Variants in TNFAIP8L3 observed in about 807,000 individuals in gnomAD.
TNFAIP8L3 encodes TNF alpha induced protein 8 like 3.
Under a neutral mutation model 11.8 loss-of-function variants are expected in TNFAIP8L3, and 7 were observed. The observed-to-expected ratio is 0.59, with a 90% CI of 0.34 to 1.11. The LOEUF is 1.11. Among genes scored for constraint, TNFAIP8L3 ranks in the 50% most tolerant of loss-of-function variants. The pLI is 0.03. For synonymous variants in TNFAIP8L3, 98 were observed against 103.8 expected (o/e 0.94, Z 0.34); for missense variants, 219 against 258.6 (o/e 0.85, Z 1.05).
intron 1 of TNFAIP8L3, among the ~76,000 whole-genome samples, chr15:51,090,248 GT>G (rs1340850056): frequency 9.2e-5 from 14 of 152,100 alleles, no homozygotes; most frequent in African/African-American, 3.4e-4. Context: ...TGTACAATCT[GT>G]CACCAACTTC....
At position 51,094,124 on chromosome 15, in the gene TNFAIP8L3, C is replaced by CCT. The variant is rs1399092203; in HGVS notation, c.52+419_52+420insAG. ...CTTTTCTGTTCAGAGCCCCCAGTCA[C>CCT]GTTCTTGGACCCAGTCACCTGCGCC... On this transcript the variant is annotated intron_variant, in intron 1 of 1. Transcript: ENST00000637513. This position sits in a 1 kb window ranked among gnomAD's most constrained non-coding sequence, Gnocchi z 4.4. Among the ~76,000 whole-genome samples the CCT allele has an allele frequency of 6.6e-6, 1 of 152,218 alleles. No individual in the cohort carries two copies. The highest frequency in any genetic ancestry group is 1.5e-5 in the Non-Finnish European group (1 of 68,030).
At chr15:51,074,612 G>A (rs1231361921) in intron 1 of TNFAIP8L3, among the ~76,000 whole-genome samples, 2 of 152,178 alleles carry the variant, frequency 1.3e-5, no homozygotes, top group East Asian at 3.9e-4. Flanking sequence ...CCAATTCAAA[G>A]CCAAAAGGAG....
upstream of TNFAIP8L3, among the ~76,000 whole-genome samples, chr15:51,099,219 T>C (rs2065533383): frequency 6.6e-6 from 1 of 152,220 alleles, no homozygotes; most frequent in Admixed American, 6.5e-5. Context: ...CAAAGTTTCC[T>C]TCCACACTTT....
rs545226408 is a variant in TNFAIP8L3 at position 51,103,066 on chromosome 15, A to G, written c.172+1939T>C. 2.7e-3 allele frequency among the ~76,000 whole-genome samples: 405 copies of G among 151,998 alleles called. 2 individuals carry two copies. The highest frequency in any genetic ancestry group is 9.4e-3 in the African/African-American group (391 of 41,422). On this transcript the variant is annotated intron_variant, in intron 1 of 2. Coordinates refer to the TNFAIP8L3 transcript ENST00000327536. ...CCTTTTCTTCTTTTCTGGGTCTTCA[A>G]ACTTTCCATTCCTCTCTTCTATCTA...
intron 1 of TNFAIP8L3, among the ~76,000 whole-genome samples, chr15:51,070,596 T>C (rs915757488): frequency 7.2e-5 from 11 of 152,162 alleles, no homozygotes; most frequent in African/African-American, 2.7e-4. Flanking sequence ...CAGAGCTGGA[T>C]TGGGCAGACT....
chr15:51,100,612 G>A (rs2065543931), intron 1 of TNFAIP8L3, among the ~76,000 whole-genome samples: 1 of 152,174 alleles, frequency 6.6e-6, no homozygotes, highest in Admixed American at 6.5e-5. Flanking sequence ...CTGTATTGGA[G>A]CTAGTCTTAC....
intron 1 of TNFAIP8L3, among the ~76,000 whole-genome samples, chr15:51,062,265 C>T (rs2065246384): frequency 6.7e-6 from 1 of 149,978 alleles, no homozygotes; most frequent in African/African-American, 2.5e-5. Context: ...CAGAGTGAGA[C>T]TCTGTCTCAA....
At chr15:51,103,747 G>A (rs756797609) in intron 1 of TNFAIP8L3, among the ~76,000 whole-genome samples, 2 of 152,096 alleles carry the variant, frequency 1.3e-5, no homozygotes, top group African/African-American at 2.4e-5. Context: ...CATAGTTGTC[G>A]AAAACCCAGG....
Position 51,079,876 on chromosome 15 carries a change from AAAAG to A in TNFAIP8L3, c.52+14664_52+14667del, listed in dbSNP as rs1403549354. On this transcript the variant is annotated intron_variant, in intron 1 of 1. Coordinates refer to ENST00000637513, the MANE Select transcript of TNFAIP8L3 (RefSeq NM_001311175.2). ...GTCTCAAAAAAAAAAAAAAAAAAAA[AAAAG>A]AAAGAAAGAAAAAAAAGAAAAGTCA... Among the ~76,000 whole-genome samples, 518 of 150,206 alleles carry A rather than the reference AAAAG, an allele frequency of 3.4e-3. 4 individuals are homozygous for A. The highest frequency in any genetic ancestry group is 0.012 in the African/African-American group (481 of 40,420).
At chr15:51,082,947 T>C (rs2065402919) in intron 1 of TNFAIP8L3, among the ~76,000 whole-genome samples, 1 of 152,192 alleles carries the variant, frequency 6.6e-6, no homozygotes, top group South Asian at 2.1e-4. Flanking sequence ...GGATAAATCA[T>C]TTTTCATAAT....
chr15:51,082,994 T>C (rs950461635), intron 1 of TNFAIP8L3, among the ~76,000 whole-genome samples: 2 of 152,216 alleles, frequency 1.3e-5, no homozygotes, highest in Non-Finnish European at 2.9e-5. Context: ...GACAAAATCC[T>C]GGCTGATGGG....
chr15:51,073,344 A>T (rs2065325861), intron 1 of TNFAIP8L3, among the ~76,000 whole-genome samples: 1 of 152,128 alleles, frequency 6.6e-6, no homozygotes, highest in African/African-American at 2.4e-5. Context: ...TTAACATGAC[A>T]TGTCTCTCCA....
intron 1 of TNFAIP8L3, among the ~76,000 whole-genome samples, chr15:51,080,105 T>G (rs1223519461): frequency 6.6e-6 from 1 of 152,208 alleles, no homozygotes; most frequent in East Asian, 1.9e-4. Context: ...AAACTTAGCT[T>G]TCTTTCCCAT....
At chr15:51,067,820 C>T (rs541803821) in intron 1 of TNFAIP8L3, among the ~76,000 whole-genome samples, 2 of 152,260 alleles carry the variant, frequency 1.3e-5, no homozygotes, top group East Asian at 1.9e-4. Flanking sequence ...GAAGATGAGC[C>T]GCTAATCATA....
chr15:51,087,134 C>T (rs1198525978), intron 1 of TNFAIP8L3, among the ~76,000 whole-genome samples: 1 of 152,250 alleles, frequency 6.6e-6, no homozygotes, highest in Non-Finnish European at 1.5e-5. Context: ...TCCCAAAGTG[C>T]TGGGATTACA....
chr15:51,093,767 G>A (rs2065489533), intron 1 of TNFAIP8L3, among the ~76,000 whole-genome samples: 2 of 152,268 alleles, frequency 1.3e-5, no homozygotes, highest in South Asian at 4.1e-4. Context: ...GAGACCGGCG[G>A]CAAGTCGACC....
At chr15:51,097,235 A>G (rs12916313), upstream of TNFAIP8L3, among the ~76,000 whole-genome samples, 1 of 152,226 alleles carries the variant, frequency 6.6e-6, no homozygotes, top group South Asian at 2.1e-4. Context: ...GAGACAGACC[A>G]CAGAGACATG....
At chr15:51,098,523 A>G (rs1349011280), upstream of TNFAIP8L3, among the ~76,000 whole-genome samples, 1 of 152,178 alleles carries the variant, frequency 6.6e-6, no homozygotes, top group East Asian at 2.0e-4. Flanking sequence ...CTTGATATCC[A>G]TCTAACAGAA....
upstream of TNFAIP8L3, among the ~76,000 whole-genome samples, chr15:51,094,969 G>A (rs2053071993): frequency 1.3e-5 from 2 of 151,918 alleles, no homozygotes; most frequent in Admixed American, 1.3e-4. This position sits in a 1 kb window ranked among gnomAD's most constrained non-coding sequence, Gnocchi z 4.4. Context: ...CCCTACCCGC[G>A]CCCTGCGTCG....
Sources: allele counts gnomAD v4.1 joint callset (sites outside exome capture counted in the v4.1 genomes callset), GRCh38; gene constraint gnomAD v4.1.1; non-coding constraint Gnocchi (gnomAD v3.1); transcripts MANE v1.5; gene names NCBI Gene and HGNC (gene_info 2026-07-23, HGNC 2026-07-21).